Variants in WDR19 observed in about 807,000 individuals in gnomAD.
The protein encoded by WDR19 is WD repeat-containing protein 19.
Under a neutral mutation model 180.0 loss-of-function variants are expected in WDR19, and 121 were observed. The ratio of observed to expected loss-of-function variants is 0.67; its 90% CI spans 0.58 to 0.78. The LOEUF (loss-of-function observed/expected upper bound fraction) is 0.78. Among genes scored for constraint, WDR19 ranks in the 30% least tolerant of loss-of-function variants. The probability of loss-of-function intolerance (pLI) is 0.00; values close to 1 mark genes in which losing one functional copy is unlikely to be tolerated. For synonymous variants in WDR19, 497 were observed against 540.7 expected (o/e 0.92, Z 1.12); for missense variants, 1,450 against 1,640.7 (o/e 0.88, Z 2.01).
Position 39,226,531 on chromosome 4 carries a change from A to G in WDR19, c.1629+1498A>G, listed in dbSNP as rs1011348050. 2.6e-5 allele frequency among the ~76,000 whole-genome samples: 4 copies of G among 152,206 alleles called. No individual in the cohort carries two copies. The East Asian group carries it at 7.7e-4, about 29-fold the overall frequency. On this transcript the variant is annotated intron_variant, in intron 15 of 36. Transcript: ENST00000399820. The stretch of plus-strand genomic sequence containing the variant: ...CTGATGTGCTCATCTATACAAAGTG[A>G]GAATCAGTATAGCATAGTGGTTAGA...
intron 27 of WDR19, among the ~76,000 whole-genome samples, chr4:39,256,977 G>T (rs1733823724): frequency 6.6e-6 from 1 of 152,002 alleles, no homozygotes; most frequent in South Asian, 2.1e-4. Flanking sequence ...TTTTATAGTT[G>T]TAAATTTCTT....
At chr4:39,189,921 T>C in intron 4 of WDR19, 140 bp downstream of exon 4, 1 of 1,042,172 alleles carries the variant, frequency 9.6e-7, no homozygotes, top group Non-Finnish European at 1.3e-6. Flanking sequence ...TTTTTATTAT[T>C]GTTACCCAAT....
chr4:39,193,375 G>T (rs1392405457), intron 4 of WDR19, among the ~76,000 whole-genome samples: 1 of 151,972 alleles, frequency 6.6e-6, no homozygotes, highest in Non-Finnish European at 1.5e-5. Flanking sequence ...GGCCAGGCTG[G>T]TCTCGAACTC....
chr4:39,263,128 G>C (rs116462262), intron 28 of WDR19, among the ~76,000 whole-genome samples: 1 of 146,534 alleles, frequency 6.8e-6, no homozygotes, highest in Admixed American at 6.9e-5. Context: ...GGTTTATGGA[G>C]GGGGAAGGGA....
At chr4:39,190,280 G>A (rs939696673) in intron 4 of WDR19, among the ~76,000 whole-genome samples, 1 of 152,208 alleles carries the variant, frequency 6.6e-6, no homozygotes, top group African/African-American at 2.4e-5. Context: ...AGGTCTCTGA[G>A]TGGAGTAGGC....
chr4:39,244,574 T>C (rs1214900531), intron 23 of WDR19, 22 bp downstream of exon 23: 3 of 1,613,676 alleles, frequency 1.9e-6, no homozygotes, highest in Non-Finnish European at 1.7e-6. Context: ...CTGCGGTTTG[T>C]TTCTGAACAG....
At chr4:39,183,984 T>C (rs560227167) in intron 1 of WDR19, among the ~76,000 whole-genome samples, 2 of 152,330 alleles carry the variant, frequency 1.3e-5, no homozygotes, top group South Asian at 2.1e-4. Flanking sequence ...GGTCACAAAA[T>C]TGCAAAAGTA....
chr4:39,189,679 A>AT lies in WDR19; in HGVS notation c.189dup (p.Lys64Ter). 6.2e-7 allele frequency: 1 copy of AT among 1,605,740 alleles called. No individual in the cohort carries two copies. The highest frequency in any genetic ancestry group is 8.5e-7 in the Non-Finnish European group (1 of 1,176,904). ...AGTAACTGTGTTGCCATGGATTGGGATAAAGATGGAGATGTCCTAGCAGTG... is the reference window on the plus strand; with the variant it reads ...AGTAACTGTGTTGCCATGGATTGGGATTAAAGATGGAGATGTCCTAGCAGTG... On this transcript the variant is annotated frameshift_variant, in exon 4 of 37. Coordinates refer to ENST00000399820, the MANE Select transcript of WDR19 (RefSeq NM_025132.4). LOFTEE classifies it high-confidence loss of function.
rs1156609878 is a variant in WDR19, at chr4:39,266,124, A to T, written c.3245A>T (p.Asn1082Ile). The change falls in exon 29 of 37, where the codon AAC (asparagine) becomes ATC (isoleucine). Residue 1082 changes from asparagine (N) to isoleucine (I), a missense_variant. Physicochemically the swap from Asn to Ile is moderately radical, Grantham distance 149. Transcript: ENST00000399820. Reference sequence around the variant, plus strand: ...CTGATAGACCATCTCCTGGGGGAGAACGATGGCATGCCTAAGGTACTGAAC... The same window carrying T: ...CTGATAGACCATCTCCTGGGGGAGATCGATGGCATGCCTAAGGTACTGAAC... ...NQLIDHLLGE[N>I]DGMPKDAKYL... The T allele has an allele frequency of 3.2e-6, 5 of 1,563,396 alleles. No homozygotes were observed. The highest frequency in any genetic ancestry group is 4.3e-6 in the Non-Finnish European group (5 of 1,153,430).
chr4:39,270,851 A>C (rs995638579), intron 31 of WDR19, among the ~76,000 whole-genome samples: 2 of 152,130 alleles, frequency 1.3e-5, no homozygotes, highest in African/African-American at 4.8e-5. Context: ...CAAATATAAA[A>C]ATAATACATA....
chr4:39,245,142 T>C (rs1732385061), intron 23 of WDR19, among the ~76,000 whole-genome samples: 1 of 151,780 alleles, frequency 6.6e-6, no homozygotes, highest in Non-Finnish European at 1.5e-5. Context: ...AGGTGGGGTT[T>C]CACCATGTTG....
At chr4:39,217,006 T>C in intron 12 of WDR19, 128 bp from the exon 13 acceptor site, 1 of 613,198 alleles carries the variant, frequency 1.6e-6, no homozygotes. Flanking sequence ...ATTTAATCAT[T>C]TAAGATTAAA....
At chr4:39,247,414 G>A (rs910742123) in intron 24 of WDR19, among the ~76,000 whole-genome samples, 4 of 152,136 alleles carry the variant, frequency 2.6e-5, no homozygotes, top group African/African-American at 4.8e-5. Context: ...AAAAAACAGA[G>A]CAGAAAAACC....
rs533813803 is a variant in WDR19 at position 39,229,797 on chromosome 4, A to G, written c.1982+1107A>G. Among the ~76,000 whole-genome samples the G allele has an allele frequency of 6.0e-4, 91 of 152,302 alleles. 1 individual carries two copies. The highest frequency in any genetic ancestry group is 1.8e-3 in the Admixed American group (27 of 15,294). On this transcript the variant is annotated intron_variant, in intron 17 of 36. Coordinates refer to ENST00000399820, the MANE Select transcript of WDR19 (RefSeq NM_025132.4). ...CTGTACTTACAACTACCTTCCAGTC[A>G]TGTGTCCTTGGAAGTCCATGAGCTC...
intron 20 of WDR19, among the ~76,000 whole-genome samples, chr4:39,236,066 A>G (rs1731342724): frequency 6.6e-6 from 1 of 152,202 alleles, no homozygotes; most frequent in South Asian, 2.1e-4. Flanking sequence ...TTTATGGAAA[A>G]CAGTATGGAG....
At chr4:39,269,671 A>G (rs183626172) in intron 30 of WDR19, among the ~76,000 whole-genome samples, 8 of 152,094 alleles carry the variant, frequency 5.3e-5, no homozygotes, top group Non-Finnish European at 4.4e-5. Context: ...CATGGTGAAA[A>G]CCTTGTCTCT....
chr4:39,210,349 GA>G (rs1728362094), intron 9 of WDR19, among the ~76,000 whole-genome samples: 1 of 152,204 alleles, frequency 6.6e-6, no homozygotes, highest in Non-Finnish European at 1.5e-5. Context: ...ATTTATTTCA[GA>G]TACTGAAAAT....
At position 39,281,232 on chromosome 4, in the gene WDR19, T is replaced by TAGAGAGAGAGAG. The variant is rs542816951; in HGVS notation, c.*13+2570_*13+2571insGAGAGAGAGAGA. Among the ~76,000 whole-genome samples, 257 of 100,886 alleles carry TAGAGAGAGAGAG rather than the reference T, an allele frequency of 2.5e-3. 2 individuals carry two copies. Among genetic ancestry groups the TAGAGAGAGAGAG allele is most frequent in the African/African-American group, 9.8e-3 (186 of 18,910 alleles). The allele number at this position is 100,886 out of a possible 152,430, so 66.2% of individuals were successfully genotyped here. Reference sequence around the variant, plus strand: ...GTGTGTGTGTATATATATATATATATATATAGAGAGAGAGAGAGAGAGAGA... The same window carrying TAGAGAGAGAGAG: ...GTGTGTGTGTATATATATATATATATAGAGAGAGAGAGATATAGAGAGAGAGAGAGAGAGAGA... On this transcript the variant is annotated intron_variant, in intron 36 of 36. Coordinates refer to ENST00000399820, the MANE Select transcript of WDR19 (RefSeq NM_025132.4).
chr4:39,278,171 ATT>A lies in WDR19; in HGVS notation c.3882_3883del (p.His1294GlnfsTer2). On this transcript the variant is annotated frameshift_variant, in exon 35 of 37. Transcript: ENST00000399820. LOFTEE classifies it high-confidence loss of function. ...AAAGATGACTGGACGGTGTGTCCAC[ATT>A]GTGACTTCCCTGCTCTATACTCAGA... 1 of 1,607,834 alleles carries A rather than the reference ATT, an allele frequency of 6.2e-7. No homozygotes were observed. The highest frequency in any genetic ancestry group is 8.5e-7 in the Non-Finnish European group (1 of 1,177,150).
Sources: allele counts gnomAD v4.1 joint callset (sites outside exome capture counted in the v4.1 genomes callset), GRCh38; gene constraint gnomAD v4.1.1; transcripts MANE v1.5; gene names NCBI Gene and HGNC (gene_info 2026-07-23, HGNC 2026-07-21).